ZMAT4: variants seen among roughly 807,000 people sequenced by gnomAD.
ZMAT4 encodes zinc finger matrin-type protein 4.
A neutral mutation model predicts 28.7 loss-of-function variants in ZMAT4; 17 were observed. The ratio of observed to expected loss-of-function variants is 0.59; its 90% CI spans 0.41 to 0.89. ZMAT4 has a LOEUF of 0.89. ZMAT4 is among the 40% of genes least tolerant of loss of function. ZMAT4 has a pLI of 0.00. For missense variants in ZMAT4, 240 were observed against 283.8 expected (o/e 0.85, Z 1.11); for synonymous variants, 117 against 109.2 (o/e 1.07, Z -0.44).
Position 40,606,040 on chromosome 8 carries a change from C to T in ZMAT4, c.578-24779G>A, listed in dbSNP as rs183028694. ...TTGCATGGAATATCTTTTTCCACCC[C>T]TTTACCTTCAGTTTATGTGAGTCCT... On this transcript the variant is annotated intron_variant, in intron 5 of 6. Coordinates refer to ENST00000297737, the MANE Select transcript of ZMAT4 (RefSeq NM_024645.3). Among the ~76,000 whole-genome samples, 295 of 152,232 alleles carry T rather than the reference C, an allele frequency of 1.9e-3. 1 individual carries two copies. Among genetic ancestry groups the T allele is most frequent in the African/African-American group, 6.8e-3 (281 of 41,546 alleles).
Position 40,532,013 on chromosome 8 carries a change from A to G in ZMAT4, c.*210T>C, listed in dbSNP as rs1802706431. On this transcript the variant is annotated 3_prime_UTR_variant, in exon 7 of 7. Coordinates refer to ENST00000297737, the MANE Select transcript of ZMAT4 (RefSeq NM_024645.3). ...AAAGAATTTAAAAATCCATCCAAAT[A>G]TCATAACTTACCCCAAAATTAAAAA... The G allele has an allele frequency of 2.5e-6, 1 of 400,264 alleles. No individual in the cohort carries two copies. Among genetic ancestry groups the G allele is most frequent in the Admixed American group, 4.5e-5 (1 of 22,382 alleles). The allele number at this position is 400,264 out of a possible 1,614,324, so 24.8% of individuals were successfully genotyped here. A position where few individuals can be genotyped will look rare whatever the true frequency, so the allele number is the denominator to read the frequency against.
chr8:40,832,479 C>A (rs190897969), intron 1 of ZMAT4, among the ~76,000 whole-genome samples: 1 of 152,150 alleles, frequency 6.6e-6, no homozygotes, highest in African/African-American at 2.4e-5. Flanking sequence ...TGCCCTCTGC[C>A]GAGTCCTGCT....
At position 40,697,407 on chromosome 8, in the gene ZMAT4, C is replaced by G; in HGVS notation, c.193-6G>C. On this transcript the variant is annotated splice_polypyrimidine_tract_variant and splice_region_variant and intron_variant, in intron 3 of 6. Transcript: ENST00000297737. ...ACCATGTCGGCATCACTTCCCTGCGCAGGGAGAAAGAAAGGCCACGTGTGA... is the reference window on the plus strand; with the variant it reads ...ACCATGTCGGCATCACTTCCCTGCGGAGGGAGAAAGAAAGGCCACGTGTGA... 1 of 1,565,894 alleles carries G rather than the reference C, an allele frequency of 6.4e-7. No homozygotes were observed. The highest frequency in any genetic ancestry group is 2.3e-5 in the East Asian group (1 of 43,382).
chr8:40,746,321 C>CTTTCCTTTCCTTTCA (rs1222667854), intron 3 of ZMAT4, among the ~76,000 whole-genome samples: 4 of 126,866 alleles, frequency 3.2e-5, no homozygotes, highest in African/African-American at 1.2e-4. Flanking sequence ...CTTTCCTTTC[C>CTTTCCTTTCCTTTCA]TTTCCTTTCC....
chr8:40,893,742 G>C (rs570838097), intron 1 of ZMAT4, among the ~76,000 whole-genome samples: 1 of 152,262 alleles, frequency 6.6e-6, no homozygotes, highest in South Asian at 2.1e-4. Flanking sequence ...GCAGGGGTTT[G>C]GTGTACAGAT....
At chr8:40,866,934 C>A (rs1817693181) in intron 1 of ZMAT4, among the ~76,000 whole-genome samples, 1 of 152,194 alleles carries the variant, frequency 6.6e-6, no homozygotes, top group Non-Finnish European at 1.5e-5. Flanking sequence ...AGCTCAATGG[C>A]TAGCCACAGA....
chr8:40,711,068 G>A (rs1810595392), intron 3 of ZMAT4, among the ~76,000 whole-genome samples: 4 of 152,156 alleles, frequency 2.6e-5, no homozygotes, highest in African/African-American at 7.2e-5. Flanking sequence ...ACAGGCATGA[G>A]CCACCGTGTG....
intron 5 of ZMAT4, among the ~76,000 whole-genome samples, chr8:40,647,372 T>G (rs991634254): frequency 1.3e-5 from 2 of 152,214 alleles, no homozygotes; most frequent in Non-Finnish European, 2.9e-5. Context: ...TCTGACGGGC[T>G]TAAAACACGG....
At chr8:40,790,666 C>T (rs1259355630) in intron 2 of ZMAT4, among the ~76,000 whole-genome samples, 1 of 152,036 alleles carries the variant, frequency 6.6e-6, no homozygotes, top group African/African-American at 2.4e-5. Flanking sequence ...TATATTAATA[C>T]TATGGATTAA....
rs112317595 is a variant in ZMAT4, at chr8:40,705,457, C to T, written c.193-8056G>A. 9.3e-3 allele frequency among the ~76,000 whole-genome samples: 1,409 copies of T among 152,188 alleles called. 17 individuals are homozygous for T. The highest frequency in any genetic ancestry group is 0.033 in the African/African-American group (1,356 of 41,504). ...GTGCTTATTTACTATCTGTCTCTGA[C>T]CACTATTCAATATTGTACACTCAGT... On this transcript the variant is annotated intron_variant, in intron 3 of 6. Coordinates refer to ENST00000297737, the MANE Select transcript of ZMAT4 (RefSeq NM_024645.3).
At chr8:40,607,856 T>C (rs988794978) in intron 5 of ZMAT4, among the ~76,000 whole-genome samples, 1 of 152,116 alleles carries the variant, frequency 6.6e-6, no homozygotes, top group Non-Finnish European at 1.5e-5. Flanking sequence ...CTGGGGTGTG[T>C]CTGCAAAGAG....
intron 2 of ZMAT4, among the ~76,000 whole-genome samples, chr8:40,789,678 A>T (rs951726054): frequency 6.6e-6 from 1 of 152,206 alleles, no homozygotes. Context: ...TGTACCCCAT[A>T]AATATACATA....
At chr8:40,727,288 A>C (rs1811352647) in intron 3 of ZMAT4, among the ~76,000 whole-genome samples, 1 of 152,144 alleles carries the variant, frequency 6.6e-6, no homozygotes, top group South Asian at 2.1e-4. Context: ...TCCACAAGCA[A>C]CAGAACAATC....
At chr8:40,594,259 A>C (rs570775367) in intron 5 of ZMAT4, among the ~76,000 whole-genome samples, 2 of 152,222 alleles carry the variant, frequency 1.3e-5, no homozygotes, top group Non-Finnish European at 2.9e-5. Flanking sequence ...TTATAGAAAC[A>C]TACCTGACCT....
At chr8:40,570,811 C>T (rs548383122) in intron 6 of ZMAT4, among the ~76,000 whole-genome samples, 8 of 152,044 alleles carry the variant, frequency 5.3e-5, no homozygotes, top group Non-Finnish European at 1.0e-4. Context: ...CAGGGCTGAC[C>T]CTGGGACTCT....
At chr8:40,667,921 C>T (rs917841963) in intron 5 of ZMAT4, among the ~76,000 whole-genome samples, 1 of 151,532 alleles carries the variant, frequency 6.6e-6, no homozygotes, top group Non-Finnish European at 1.5e-5. Context: ...GCATAAAAAC[C>T]TTGAACTTTA....
At chr8:40,654,853 T>C (rs913659082) in intron 5 of ZMAT4, among the ~76,000 whole-genome samples, 11 of 152,094 alleles carry the variant, frequency 7.2e-5, no homozygotes. Context: ...TACTTCATAG[T>C]GATAATTAAA....
rs1330395799 is a variant in ZMAT4, at chr8:40,820,601, A to G, written c.102+4974T>C. Among the ~76,000 whole-genome samples, 3 of 38,914 alleles carry G rather than the reference A, an allele frequency of 7.7e-5. No individual in the cohort carries two copies. The East Asian group carries it at 3.2e-3, about 42-fold the overall frequency. 25.5% of individuals were successfully genotyped at this position (38,914 alleles called of 152,430 possible). On this transcript the variant is annotated intron_variant, in intron 2 of 6. Transcript: ENST00000297737. ...GTTTATGTGTGTATCTGTATGTGGG[A>G]GTGCATGTGTGTGTATGTGTGTGTA...
chr8:40,555,191 C>T (rs1217911556), intron 6 of ZMAT4, among the ~76,000 whole-genome samples: 1 of 152,082 alleles, frequency 6.6e-6, no homozygotes, highest in Non-Finnish European at 1.5e-5. Context: ...TGTGTATATA[C>T]TACATTTTCT....
Sources: gnomAD v4.1 joint callset for allele counts (sites outside exome capture counted in the v4.1 genomes callset) on GRCh38, gnomAD v4.1.1 for gene constraint, MANE v1.5 for transcripts, NCBI Gene and HGNC (gene_info 2026-07-23, HGNC 2026-07-21) for gene names.